The following CNTN5 variants were observed in gnomAD, a reference collection of about 807,000 sequenced individuals.
The protein encoded by CNTN5 is contactin-5.
In CNTN5, 77 loss-of-function variants were observed where a neutral mutation model predicts 129.1. The observed-to-expected ratio is 0.60, with a 90% confidence interval of 0.50 to 0.72. CNTN5 has a LOEUF of 0.72. Among genes scored for constraint, CNTN5 ranks in the 30% least tolerant of loss-of-function variants. CNTN5 has a pLI of 0.00. For missense variants in CNTN5, 1,478 were observed against 1,328.8 expected, an observed-to-expected ratio of 1.11 and a Z score of -1.75; for synonymous variants, 509 against 465.6, an observed-to-expected ratio of 1.09 and a Z score of -1.20.
intron 2 of CNTN5, among the ~76,000 whole-genome samples, chr11:99,419,746 C>G (rs1942807268): frequency 6.6e-6 from 1 of 152,078 alleles, no homozygotes; most frequent in Non-Finnish European, 1.5e-5. Context: ...TGATGAAATA[C>G]AAATTGGCAG....
At chr11:100,193,445 C>G in intron 14 of CNTN5, 43 bp from the exon 15 acceptor site, 1 of 1,239,810 alleles carries the variant, frequency 8.1e-7, no homozygotes, top group East Asian at 2.6e-5. Context: ...TATGGTAACA[C>G]AACAGGTTGA....
intron 17 of CNTN5, among the ~76,000 whole-genome samples, chr11:100,260,684 A>G (rs538528136): frequency 3.3e-5 from 5 of 152,328 alleles, no homozygotes; most frequent in Middle Eastern, 3.4e-3. Context: ...AACAGAATCA[A>G]TGACAAAAAC....
chr11:99,184,231 C>T (rs560816957), intron 1 of CNTN5, among the ~76,000 whole-genome samples: 1 of 152,156 alleles, frequency 6.6e-6, no homozygotes, highest in Admixed American at 6.5e-5. Context: ...CTCTTCTTTG[C>T]TTATCTGTGC....
intron 3 of CNTN5, among the ~76,000 whole-genome samples, chr11:99,806,316 G>T (rs1456756121): frequency 6.6e-6 from 1 of 151,824 alleles, no homozygotes; most frequent in Non-Finnish European, 1.5e-5. Flanking sequence ...AAAATTATTT[G>T]TCCTTATCCC....
At chr11:100,097,964 G>A (rs565666225) in intron 13 of CNTN5, among the ~76,000 whole-genome samples, 51 of 150,730 alleles carry the variant, frequency 3.4e-4, no homozygotes, top group African/African-American at 1.2e-4. Flanking sequence ...AAATTAAATC[G>A]GGGAGTTTTT....
intron 3 of CNTN5, among the ~76,000 whole-genome samples, chr11:99,636,831 T>TG (rs1332094142): frequency 6.6e-6 from 1 of 150,956 alleles, no homozygotes; most frequent in Non-Finnish European, 1.5e-5. Flanking sequence ...CTGGCCAACA[T>TG]GGTGAAACCC....
At chr11:99,973,233 T>G (rs2137315513) in intron 8 of CNTN5, among the ~76,000 whole-genome samples, 1 of 152,316 alleles carries the variant, frequency 6.6e-6, no homozygotes, top group South Asian at 2.1e-4. Flanking sequence ...TCTGACATTT[T>G]ATCTCAATTA....
chr11:99,357,161 G>A (rs911018495), intron 2 of CNTN5, among the ~76,000 whole-genome samples: 1 of 151,786 alleles, frequency 6.6e-6, no homozygotes, highest in Non-Finnish European at 1.5e-5. Flanking sequence ...GTCAAGGATG[G>A]CAGTGGCGTT....
chr11:99,137,612 TAA>T (rs1859298089), intron 1 of CNTN5, among the ~76,000 whole-genome samples: 2 of 152,186 alleles, frequency 1.3e-5, no homozygotes, highest in African/African-American at 4.8e-5. Context: ...TCTAAAGGTA[TAA>T]GTATTCATAG....
chr11:100,188,851 A>T (rs1948383424), intron 13 of CNTN5, among the ~76,000 whole-genome samples: 1 of 152,196 alleles, frequency 6.6e-6, no homozygotes, highest in Admixed American at 6.5e-5. Context: ...ATGGTGAATT[A>T]TATAAAGAAA....
At chr11:100,291,401 A>C (rs1478533324) in intron 18 of CNTN5, among the ~76,000 whole-genome samples, 1 of 148,556 alleles carries the variant, frequency 6.7e-6, no homozygotes. Context: ...AATGTGGCAC[A>C]TATACACCAT....
At position 99,820,170 on chromosome 11, in the gene CNTN5, C is replaced by A. The variant is rs1350229031; in HGVS notation, c.277+405C>A. On this transcript the variant is annotated intron_variant, in intron 4 of 24. Transcript: ENST00000524871. ...TAAGTTAGTCTTCTTTTCTAAACAT[C>A]TTTAAAGGATTTGTATGCATTATTA... Among the ~76,000 whole-genome samples the A allele has an allele frequency of 1.2e-4, 5 of 42,610 alleles. No homozygotes were observed. The East Asian group carries it at 1.8e-3, about 16-fold the overall frequency. 28.0% of individuals were successfully genotyped at this position (42,610 alleles called of 152,430 possible).
rs966911424 is a variant in CNTN5, at chr11:99,222,972, A to G, written c.-209-102374A>G. On this transcript the variant is annotated intron_variant, in intron 1 of 24. Transcript: ENST00000524871. The stretch of plus-strand genomic sequence containing the variant: ...CGTACACTTTCCCTCAGGAGTATCA[A>G]TAGTGATCATGGCCCTCTAAATCTC... Among the ~76,000 whole-genome samples the G allele has an allele frequency of 6.6e-5, 10 of 152,172 alleles. No individual in the cohort carries two copies. The East Asian group carries it at 7.7e-4, about 12-fold the overall frequency.
intron 2 of CNTN5, among the ~76,000 whole-genome samples, chr11:99,483,756 C>A (rs993590497): frequency 1.3e-5 from 2 of 151,980 alleles, no homozygotes; most frequent in Non-Finnish European, 2.9e-5. Flanking sequence ...AGTATAGAAG[C>A]ATAAAAGGTG....
intron 9 of CNTN5, among the ~76,000 whole-genome samples, chr11:100,010,270 C>G (rs888541907): frequency 2.0e-5 from 3 of 151,958 alleles, no homozygotes; most frequent in African/African-American, 7.3e-5. Flanking sequence ...AAAATGAGAA[C>G]TTTATGGAAA....
chr11:99,488,060 G>C (rs1048944353), intron 2 of CNTN5, among the ~76,000 whole-genome samples: 1 of 151,880 alleles, frequency 6.6e-6, no homozygotes, highest in Non-Finnish European at 1.5e-5. Flanking sequence ...CCAAATGCCA[G>C]AGGGATTAAT....
chr11:99,351,756 G>C (rs531669301), intron 2 of CNTN5, among the ~76,000 whole-genome samples: 130 of 152,194 alleles, frequency 8.5e-4, no homozygotes, highest in African/African-American at 2.9e-3. Context: ...ATGTTACTGA[G>C]GCTGTCATCT....
At chr11:99,142,729 CATTCTG>C (rs1471215179) in intron 1 of CNTN5, among the ~76,000 whole-genome samples, 1 of 152,072 alleles carries the variant, frequency 6.6e-6, no homozygotes, top group Non-Finnish European at 1.5e-5. Flanking sequence ...CTACTGCAGC[CATTCTG>C]ACACCAAACC....
chr11:99,951,513 G>A (rs1400263853), intron 7 of CNTN5, among the ~76,000 whole-genome samples: 1 of 151,962 alleles, frequency 6.6e-6, no homozygotes, highest in Admixed American at 6.6e-5. Flanking sequence ...ATATTAATAA[G>A]CATGCTCAAG....
Sources: gnomAD v4.1 joint callset for allele counts (sites outside exome capture counted in the v4.1 genomes callset) on GRCh38, gnomAD v4.1.1 for gene constraint, MANE v1.5 for transcripts, NCBI Gene and HGNC (gene_info 2026-07-23, HGNC 2026-07-21) for gene names.